SEMA6A: variants seen among roughly 807,000 people sequenced by gnomAD.
The protein encoded by SEMA6A is semaphorin 6A, also known as semaphorin-6A.
A neutral mutation model predicts 96.8 loss-of-function variants in SEMA6A; 25 were observed. The observed-to-expected ratio is 0.26, with a 90% CI of 0.19 to 0.36. The LOEUF is 0.36. Ranked by LOEUF, SEMA6A falls within the 10% of genes least tolerant of loss-of-function variation. The probability of loss-of-function intolerance (pLI) is 1.00; values close to 1 mark genes in which losing one functional copy is unlikely to be tolerated. For missense variants in SEMA6A, 1,363 were observed against 1,323.1 expected (o/e 1.03, Z -0.47); for synonymous variants, 612 against 518.0 (o/e 1.18, Z -2.46).
At position 116,539,028 on chromosome 5, in the gene SEMA6A, T is replaced by A. The variant is rs556969624; in HGVS notation, c.-38-34046A>T. Among the ~76,000 whole-genome samples the A allele has an allele frequency of 3.3e-5, 5 of 152,338 alleles. No individual in the cohort carries two copies. In the East Asian group the frequency reaches 9.6e-4, roughly 29 times the overall value. The stretch of plus-strand genomic sequence containing the variant: ...AACTAAGAAAATATTTTCAATTGTG[T>A]GTTTGCAATCAAGCAAATTTTTCTC... On this transcript the variant is annotated intron_variant, in intron 1 of 18. Transcript: ENST00000343348.
chr5:116,507,657 G>C (rs980336806), intron 1 of SEMA6A, among the ~76,000 whole-genome samples: 8 of 152,202 alleles, frequency 5.3e-5, no homozygotes, highest in African/African-American at 1.9e-4. Flanking sequence ...TTCCCTGTCT[G>C]TGACTGTGCT....
In SEMA6A at chr5:116,561,003, T is replaced by C. The variant is rs374256417; in HGVS notation, c.-39+13182A>G. Among the ~76,000 whole-genome samples the C allele has an allele frequency of 7.9e-5, 12 of 152,184 alleles. 1 individual carries two copies. Among genetic ancestry groups the C allele is most frequent in the Admixed American group, 2.0e-4 (3 of 15,274 alleles). On this transcript the variant is annotated intron_variant, in intron 1 of 18. Coordinates refer to ENST00000343348, the MANE Select transcript of SEMA6A (RefSeq NM_020796.5). ...TTTAATATTTTTTTAATTTTAAATA[T>C]TGAGTACACAACACAGCTATATGGA...
At chr5:116,454,788 A>AAG (rs1213226556) in intron 18 of SEMA6A, among the ~76,000 whole-genome samples, 2 of 43,496 alleles carry the variant, frequency 4.6e-5, no homozygotes, top group African/African-American at 8.3e-5. Flanking sequence ...CTTTTCCTTT[A>AAG]AGTGTGTGTG....
At chr5:116,505,276 C>T (rs943753291) in intron 1 of SEMA6A, among the ~76,000 whole-genome samples, 1 of 152,102 alleles carries the variant, frequency 6.6e-6, no homozygotes, top group Non-Finnish European at 1.5e-5. Context: ...AGTCATGAAA[C>T]TCTGCCTTCA....
chr5:116,502,336 AGAG>A lies in SEMA6A; in HGVS notation c.101-12_101-10del. Reference sequence around the variant, plus strand: ...CGGATACTGTTTTGTATCTGTGAAAAGAGGAGATGGGGCAAGAAAGGAAAAGCA... The same window carrying A: ...CGGATACTGTTTTGTATCTGTGAAAAGAGATGGGGCAAGAAAGGAAAAGCA... On this transcript the variant is annotated splice_polypyrimidine_tract_variant and intron_variant, in intron 2 of 18. Transcript: ENST00000343348. The A allele has an allele frequency of 6.2e-7, 1 of 1,611,918 alleles. No homozygotes were observed.
rs373841917 is a variant in SEMA6A, at chr5:116,446,249, GTA to G, written c.*362_*363del. 2.6e-4 allele frequency: 53 copies of G among 204,152 alleles called. No homozygotes were observed. The highest frequency in any genetic ancestry group is 1.2e-3 in the African/African-American group (49 of 40,750). 12.6% of individuals were successfully genotyped at this position (204,152 alleles called of 1,614,324 possible). A position where few individuals can be genotyped will look rare whatever the true frequency, so the allele number is the denominator to read the frequency against. On this transcript the variant is annotated 3_prime_UTR_variant, in exon 19 of 19. Transcript: ENST00000343348. The stretch of plus-strand genomic sequence containing the variant: ...TCTGTTCACCTCTGTGCGTGTGTGT[GTA>G]TGTGTTGTGTGCATGTGTGTGTGTG...
At chr5:116,562,978 C>A in intron 1 of SEMA6A, 2 of 566,766 alleles carry the variant, frequency 3.5e-6, no homozygotes, top group Non-Finnish European at 3.4e-6. Flanking sequence ...TGACAGCACC[C>A]GCAGGAAGGG....
chr5:116,571,634 C>A (rs1761219501), intron 1 of SEMA6A, among the ~76,000 whole-genome samples: 2 of 152,196 alleles, frequency 1.3e-5, no homozygotes, highest in Admixed American at 1.3e-4. Context: ...TACAAACAAG[C>A]ATGGGTAAAC....
At chr5:116,508,602 G>A (rs902012238) in intron 1 of SEMA6A, among the ~76,000 whole-genome samples, 1 of 152,092 alleles carries the variant, frequency 6.6e-6, no homozygotes, top group African/African-American at 2.4e-5. Context: ...GGCAGAAGCT[G>A]ACTCAGAGAG....
intron 1 of SEMA6A, among the ~76,000 whole-genome samples, chr5:116,530,275 A>G (rs1410703838): frequency 6.6e-6 from 1 of 152,216 alleles, no homozygotes; most frequent in Non-Finnish European, 1.5e-5. Context: ...AAGACATTAT[A>G]ATCTGTACGG....
intron 1 of SEMA6A, among the ~76,000 whole-genome samples, chr5:116,558,837 C>T (rs781746438): frequency 3.9e-5 from 6 of 152,210 alleles, no homozygotes; most frequent in Non-Finnish European, 8.8e-5. Context: ...GTCTGCAACA[C>T]CTCAGTTGCA....
chr5:116,573,944 G>A (rs1334159415), intron 1 of SEMA6A, among the ~76,000 whole-genome samples: 2 of 151,006 alleles, frequency 1.3e-5, no homozygotes, highest in African/African-American at 2.4e-5. Context: ...TGCGCAACGC[G>A]GGTGGGAAAG....
intron 18 of SEMA6A, among the ~76,000 whole-genome samples, chr5:116,455,700 A>G (rs1754967805): frequency 1.3e-5 from 2 of 152,218 alleles, no homozygotes; most frequent in South Asian, 2.1e-4. Context: ...GTCTGTTTCA[A>G]TACTGCTAAA....
chr5:116,450,490 T>C (rs1032237503), intron 18 of SEMA6A, among the ~76,000 whole-genome samples: 4 of 152,246 alleles, frequency 2.6e-5, no homozygotes, highest in African/African-American at 9.6e-5. Flanking sequence ...TTCACATGTA[T>C]CCATTGCTTC....
intron 2 of SEMA6A, among the ~76,000 whole-genome samples, chr5:116,503,589 A>T (rs1757998950): frequency 6.8e-6 from 1 of 147,682 alleles, no homozygotes; most frequent in Non-Finnish European, 1.5e-5. Context: ...TCGGCTTACT[A>T]CACTCTCCGC....
At chr5:116,568,796 T>G (rs1157599560) in intron 1 of SEMA6A, among the ~76,000 whole-genome samples, 1 of 150,496 alleles carries the variant, frequency 6.6e-6, no homozygotes, top group African/African-American at 2.4e-5. Context: ...GCATGAGCCA[T>G]ACCACCTATG....
At position 116,446,357 on chromosome 5, in the gene SEMA6A, C is replaced by A; in HGVS notation, c.*256G>T. 1 of 376,934 alleles carries A rather than the reference C, an allele frequency of 2.7e-6. No homozygotes were observed. Among genetic ancestry groups the A allele is most frequent in the Non-Finnish European group, 4.7e-6 (1 of 210,818 alleles). 23.3% of individuals were successfully genotyped at this position (376,934 alleles called of 1,614,324 possible). ...ATGATAACTGAAGTCTTTTGTGGGT[C>A]CGACCTGTTGTAGGGTGTGGGGGAA... On this transcript the variant is annotated 3_prime_UTR_variant, in exon 19 of 19. Transcript: ENST00000343348.
chr5:116,511,939 CAA>C (rs1377145204), intron 1 of SEMA6A, among the ~76,000 whole-genome samples: 4 of 152,324 alleles, frequency 2.6e-5, no homozygotes, highest in African/African-American at 9.6e-5. Context: ...GGACATATCT[CAA>C]GTGAGTAAGG....
At chr5:116,550,523 G>A (rs1299755473) in intron 1 of SEMA6A, 2 of 152,178 alleles carry the variant, frequency 1.3e-5, no homozygotes, top group Admixed American at 1.3e-4. Context: ...CAAAAGAGAT[G>A]CTTTTCTCAG....
Sources: gnomAD v4.1 joint callset for allele counts (sites outside exome capture counted in the v4.1 genomes callset) on GRCh38, gnomAD v4.1.1 for gene constraint, MANE v1.5 for transcripts, NCBI Gene and HGNC (gene_info 2026-07-23, HGNC 2026-07-21) for gene names.